CNTN1: variants seen among roughly 807,000 people sequenced by gnomAD.
The protein encoded by CNTN1 is contactin 1.
Under a neutral mutation model 126.4 loss-of-function variants are expected in CNTN1, and 38 were observed. The ratio of observed to expected loss-of-function variants is 0.30; its 90% CI spans 0.23 to 0.39. The LOEUF (loss-of-function observed/expected upper bound fraction) is 0.39. Among genes scored for constraint, CNTN1 ranks in the 10% least tolerant of loss-of-function variants. CNTN1 has a pLI of 1.00. For missense variants in CNTN1, 1,009 were observed against 1,248.4 expected, an observed-to-expected ratio of 0.81 and a Z score of 2.89; for synonymous variants, 413 against 422.6, an observed-to-expected ratio of 0.98 and a Z score of 0.28.
chr12:40,910,520 G>C (rs1032372517), intron 3 of CNTN1, among the ~76,000 whole-genome samples: 1 of 152,058 alleles, frequency 6.6e-6, no homozygotes, highest in Non-Finnish European at 1.5e-5. Flanking sequence ...AAGTCCACAG[G>C]TATTGCAAAA....
At chr12:41,003,256 C>T (rs550892015) in intron 17 of CNTN1, among the ~76,000 whole-genome samples, 1 of 152,278 alleles carries the variant, frequency 6.6e-6, no homozygotes, top group African/African-American at 2.4e-5. Flanking sequence ...TACTGATTTG[C>T]ATATGTTAAA....
chr12:40,808,466 G>T (rs1413730939), intron 1 of CNTN1, among the ~76,000 whole-genome samples: 1 of 152,046 alleles, frequency 6.6e-6, no homozygotes, highest in Non-Finnish European at 1.5e-5. Flanking sequence ...CTATTATACA[G>T]AATTTCCACC....
chr12:40,996,563 G>A (rs1948222993), intron 17 of CNTN1, among the ~76,000 whole-genome samples: 1 of 152,152 alleles, frequency 6.6e-6, no homozygotes, highest in Non-Finnish European at 1.5e-5. Context: ...TATTTATTAT[G>A]CTATTAAATG....
intron 23 of CNTN1, among the ~76,000 whole-genome samples, chr12:41,062,235 G>T (rs57165077): frequency 6.6e-6 from 1 of 152,204 alleles, no homozygotes; most frequent in African/African-American, 2.4e-5. Flanking sequence ...TTTTCCCCAA[G>T]AAACTGGTTT....
intron 1 of CNTN1, among the ~76,000 whole-genome samples, chr12:40,725,401 CAAAAAAA>C (rs34242859): frequency 4.4e-5 from 2 of 45,334 alleles, no homozygotes; most frequent in Non-Finnish European, 8.0e-5. Flanking sequence ...AACTCTGTCT[CAAAAAAA>C]AAAAAAAAAA....
At chr12:40,893,414 C>T (rs916089828) in intron 1 of CNTN1, among the ~76,000 whole-genome samples, 1 of 152,032 alleles carries the variant, frequency 6.6e-6, no homozygotes, top group African/African-American at 2.4e-5. Flanking sequence ...CTTCAACCTC[C>T]AAATTTCTAA....
intron 3 of CNTN1, among the ~76,000 whole-genome samples, chr12:40,911,800 G>A (rs1945047472): frequency 1.3e-5 from 2 of 152,082 alleles, no homozygotes; most frequent in African/African-American, 4.8e-5. Context: ...TACACTACAT[G>A]TCCAGAGTTG....
chr12:40,903,107 G>A (rs941907880), intron 1 of CNTN1, among the ~76,000 whole-genome samples: 2 of 152,222 alleles, frequency 1.3e-5, no homozygotes, highest in African/African-American at 4.8e-5. Flanking sequence ...AATTAACAGA[G>A]TGCCAGTCCA....
intron 17 of CNTN1, among the ~76,000 whole-genome samples, chr12:41,010,846 G>A (rs148799228): frequency 2.8e-4 from 42 of 150,188 alleles, no homozygotes; most frequent in African/African-American, 8.5e-4. Flanking sequence ...TGGCATCACC[G>A]GTGTTCCAAC....
At position 40,758,301 on chromosome 12, in the gene CNTN1, G is replaced by GT. The variant is rs564773671; in HGVS notation, c.-77+65719dup. Among the ~76,000 whole-genome samples, 469 of 149,962 alleles carry GT rather than the reference G, an allele frequency of 3.1e-3. 4 individuals carry two copies. In the South Asian group the frequency reaches 0.038, roughly 12 times the overall value. On this transcript the variant is annotated intron_variant, in intron 1 of 23. Transcript: ENST00000551295. ...GAATATTTGAAGTTCAAAACAAAGT[G>GT]TTTTTTTTTTAATTTGTTGGTGTTC...
intron 15 of CNTN1, among the ~76,000 whole-genome samples, chr12:40,970,820 A>G (rs1249023181): frequency 6.6e-5 from 10 of 152,198 alleles, no homozygotes; most frequent in Admixed American, 6.6e-4. Context: ...AGGCTAGTCT[A>G]TTAATCACTG....
At chr12:40,865,675 T>C (rs1253283667) in intron 1 of CNTN1, among the ~76,000 whole-genome samples, 7 of 152,094 alleles carry the variant, frequency 4.6e-5, no homozygotes, top group Non-Finnish European at 8.8e-5. Context: ...TCTGTCCTAT[T>C]GATCTATATG....
At chr12:40,772,356 G>T (rs1156505867) in intron 1 of CNTN1, among the ~76,000 whole-genome samples, 3 of 151,940 alleles carry the variant, frequency 2.0e-5, no homozygotes, top group Admixed American at 6.6e-5. Flanking sequence ...TTATCACAAT[G>T]TAATAGATGA....
At position 40,922,448 on chromosome 12, in the gene CNTN1, T is replaced by TA. The variant is rs774988436; in HGVS notation, c.400+26dup. The TA allele has an allele frequency of 2.3e-5, 37 of 1,612,300 alleles. No homozygotes were observed. The highest frequency in any genetic ancestry group is 3.1e-5 in the Non-Finnish European group (37 of 1,178,642). The stretch of plus-strand genomic sequence containing the variant: ...TTGGATGTAAGTAAACTGTAACTTT[T>TA]AAAAAAGGGCAAGCGTGTTTAGGTG... On this transcript the variant is annotated intron_variant, in intron 5 of 23. Transcript: ENST00000551295.
At chr12:40,951,714 TTAAAAAAAAAAAAA>T (rs1395488924) in intron 14 of CNTN1, among the ~76,000 whole-genome samples, 2 of 79,646 alleles carry the variant, frequency 2.5e-5, no homozygotes, top group Non-Finnish European at 4.4e-5. Context: ...GTCTCAAAAT[TTAAAAAAAAAAAAA>T]AAAAAAAAAA....
chr12:40,866,752 T>A (rs1206011978), intron 1 of CNTN1, among the ~76,000 whole-genome samples: 6 of 152,222 alleles, frequency 3.9e-5, no homozygotes, highest in Non-Finnish European at 8.8e-5. Context: ...TGGATCTCAC[T>A]CACCTGTTTA....
intron 1 of CNTN1, among the ~76,000 whole-genome samples, chr12:40,892,752 C>T (rs1331319349): frequency 6.6e-6 from 1 of 151,936 alleles, no homozygotes; most frequent in African/African-American, 2.4e-5. Context: ...TTTTTGCTGA[C>T]AGGGTTGGAG....
At chr12:40,886,322 A>G (rs942014657) in intron 1 of CNTN1, among the ~76,000 whole-genome samples, 1 of 152,098 alleles carries the variant, frequency 6.6e-6, no homozygotes, top group African/African-American at 2.4e-5. Context: ...ATCTATTCCC[A>G]TGGACTTAAC....
At chr12:40,972,778 A>G (rs1437419592) in intron 15 of CNTN1, 5 of 364,766 alleles carry the variant, frequency 1.4e-5, no homozygotes, top group Non-Finnish European at 1.9e-5. Flanking sequence ...TGTAAACAGC[A>G]CCATGGAGAC....
Sources: gnomAD v4.1 joint callset for allele counts (sites outside exome capture counted in the v4.1 genomes callset) on GRCh38, gnomAD v4.1.1 for gene constraint, MANE v1.5 for transcripts, NCBI Gene and HGNC (gene_info 2026-07-23, HGNC 2026-07-21) for gene names.